DDX50: variants seen among roughly 807,000 people sequenced by gnomAD.
The protein encoded by DDX50 is DExD-box helicase 50.
A neutral mutation model predicts 94.8 loss-of-function variants in DDX50; 56 were observed. The observed-to-expected ratio is 0.59, with a 90% CI of 0.48 to 0.74. The LOEUF (loss-of-function observed/expected upper bound fraction) is 0.74, where lower values mean the gene tolerates loss of function less well. Among genes scored for constraint, DDX50 ranks in the 30% least tolerant of loss-of-function variants. The probability of loss-of-function intolerance (pLI) is 0.00; values close to 1 mark genes in which losing one functional copy is unlikely to be tolerated. For synonymous variants in DDX50, 264 were observed against 295.4 expected, an observed-to-expected ratio of 0.89 and a Z score of 1.09; for missense variants, 713 against 881.2, an observed-to-expected ratio of 0.81 and a Z score of 2.42.
At position 68,901,542 on chromosome 10, in the gene DDX50, C is replaced by T. The variant is rs1589244536; in HGVS notation, c.87+71C>T. On this transcript the variant is annotated intron_variant, in intron 1 of 14. Coordinates refer to ENST00000373585, the MANE Select transcript of DDX50 (RefSeq NM_024045.2). ...GGGCGGGGAGGGGAACTGTCTGTCC[C>T]TGATGATGGCCTGTCAGAACCGGGC... The T allele has an allele frequency of 2.7e-6, 4 of 1,464,990 alleles. No homozygotes were observed. The Admixed American group carries it at 6.5e-5, about 24-fold the overall frequency. 90.7% of individuals were successfully genotyped at this position (1,464,990 alleles called of 1,614,324 possible). A position where few individuals can be genotyped will look rare whatever the true frequency, so the allele number is the denominator to read the frequency against.
chr10:68,935,257 TAGAC>T (rs545933333), intron 10 of DDX50, among the ~76,000 whole-genome samples: 7 of 152,360 alleles, frequency 4.6e-5, no homozygotes, highest in Admixed American at 3.3e-4. Flanking sequence ...TATGGTACAA[TAGAC>T]AGTTTCTAAA....
At chr10:68,904,541 A>G (rs1015214821) in intron 1 of DDX50, among the ~76,000 whole-genome samples, 1 of 152,200 alleles carries the variant, frequency 6.6e-6, no homozygotes, top group South Asian at 2.1e-4. Flanking sequence ...ATTGAAGAAG[A>G]TATGTGGTAG....
chr10:68,925,765 G>A (rs1383805374), intron 8 of DDX50, among the ~76,000 whole-genome samples: 4 of 152,098 alleles, frequency 2.6e-5, no homozygotes, highest in Non-Finnish European at 5.9e-5. Context: ...TGTAATCCTA[G>A]CATTTTGGGA....
chr10:68,901,349 G>T lies in DDX50; in HGVS notation c.-36G>T, dbSNP rs777727910. The T allele has an allele frequency of 1.3e-6, 2 of 1,515,996 alleles. No individual in the cohort carries two copies. The highest frequency in any genetic ancestry group is 1.8e-6 in the Non-Finnish European group (2 of 1,128,130). The allele number at this position is 1,515,996 out of a possible 1,614,324, so 93.9% of individuals were successfully genotyped here. A position where few individuals can be genotyped will look rare whatever the true frequency, so the allele number is the denominator to read the frequency against. On this transcript the variant is annotated 5_prime_UTR_variant, in exon 1 of 15. Transcript: ENST00000373585. ...CTGTCGCTGCCCGTAGGTGGTTGTG[G>T]CCACTGTGCCCGGAGGGAGGCGGCG... is the stretch of plus-strand genomic sequence containing the variant.
intron 14 of DDX50, among the ~76,000 whole-genome samples, chr10:68,945,309 AT>A (rs11365482): frequency 0.43 from 64,108 of 148,134 alleles, 13,857 homozygotes; most frequent in Non-Finnish European, 0.49. Flanking sequence ...TAATAACAAC[AT>A]TTTTTTTTTT....
chr10:68,922,382 C>T (rs141744755), intron 8 of DDX50, among the ~76,000 whole-genome samples: 80 of 152,216 alleles, frequency 5.3e-4, no homozygotes, highest in African/African-American at 1.9e-3. Context: ...TTTACTCTTT[C>T]TAGTATAGTC....
chr10:68,946,062 TTATTTAGAATGTA>T (rs535974658), intron 14 of DDX50, among the ~76,000 whole-genome samples: 33 of 152,102 alleles, frequency 2.2e-4, no homozygotes, highest in East Asian at 1.9e-3. Flanking sequence ...ATGTTAGAAT[TTATTTAGAATGTA>T]TATTTAGAAT....
chr10:68,902,913 C>G (rs182089270), intron 1 of DDX50, among the ~76,000 whole-genome samples: 385 of 152,204 alleles, frequency 2.5e-3, no homozygotes, highest in Admixed American at 3.7e-3. Flanking sequence ...TGTATGTATC[C>G]CACATATTTC....
rs1842670550 is a variant in DDX50, at chr10:68,946,354, A to G, written c.1938A>G (p.Ala646=). Reference sequence around the variant, plus strand: ...AATCCTGTAAATTCCCCTAACAGGCAGAGTGGCATGATTCCGACTGGATAC... The same window carrying G: ...AATCCTGTAAATTCCCCTAACAGGCGGAGTGGCATGATTCCGACTGGATAC... ...VPTTESERLQ[A]EWHDSDWILS... is the part of the protein sequence containing the mutation. The change falls in exon 15 of 15, where the codon GCA becomes GCG. Residue 646 remains alanine (A), a splice_region_variant and synonymous_variant. Coordinates refer to ENST00000373585, the MANE Select transcript of DDX50 (RefSeq NM_024045.2). 1 of 1,606,094 alleles carries G rather than the reference A, an allele frequency of 6.2e-7. No individual in the cohort carries two copies. Among genetic ancestry groups the G allele is most frequent in the Admixed American group, 1.7e-5 (1 of 59,284 alleles).
Position 68,906,746 on chromosome 10 carries a change from G to C in DDX50, c.123G>C (p.Ser41=), listed in dbSNP as rs377688675. ...GGAAGTCAAGGCACCATTATGACTC[G>C]GATGAGAAATCAGAAACAAGAGAAA... ...DRRKSRHHYD[S]DEKSETRENG... The change falls in exon 2 of 15, where the codon TCG becomes TCC. Residue 41 remains serine (S), a synonymous_variant. Transcript: ENST00000373585. 6.2e-7 allele frequency: 1 copy of C among 1,611,850 alleles called. No homozygotes were observed. The highest frequency in any genetic ancestry group is 8.5e-7 in the Non-Finnish European group (1 of 1,179,598).
At chr10:68,930,338 A>C (rs1842228529) in intron 8 of DDX50, among the ~76,000 whole-genome samples, 1 of 151,072 alleles carries the variant, frequency 6.6e-6, no homozygotes. Context: ...GTCTGGTCTC[A>C]AACTCCTGAC....
chr10:68,910,250 A>G, intron 2 of DDX50, 57 bp from the exon 3 acceptor site: 3 of 1,392,632 alleles, frequency 2.2e-6, no homozygotes, highest in Non-Finnish European at 3.0e-6. Flanking sequence ...AATTAAAAAC[A>G]GTAAATGAGG....
intron 1 of DDX50, among the ~76,000 whole-genome samples, chr10:68,904,926 G>C (rs1377802547): frequency 5.9e-5 from 9 of 152,178 alleles, no homozygotes; most frequent in Non-Finnish European, 1.0e-4. Flanking sequence ...AATTATATGT[G>C]AAATAACTCT....
At chr10:68,930,706 G>A (rs1426786181) in intron 8 of DDX50, among the ~76,000 whole-genome samples, 1 of 152,128 alleles carries the variant, frequency 6.6e-6, no homozygotes, top group Non-Finnish European at 1.5e-5. Flanking sequence ...CCCCAGCCTG[G>A]AGTACAGTGG....
chr10:68,936,909 A>C, intron 11 of DDX50, 27 bp from the exon 12 acceptor site: 1 of 1,549,774 alleles, frequency 6.5e-7, no homozygotes, highest in Non-Finnish European at 8.7e-7. Context: ...CTATGTCTTG[A>C]CCAAGAATAC....
chr10:68,933,929 C>CT (rs1277483613), intron 8 of DDX50, among the ~76,000 whole-genome samples: 2 of 149,114 alleles, frequency 1.3e-5, no homozygotes, highest in East Asian at 2.0e-4. Context: ...GAGCAAAACT[C>CT]TGTCTAAAAA....
At chr10:68,930,544 C>T (rs1158090625) in intron 8 of DDX50, among the ~76,000 whole-genome samples, 1 of 113,934 alleles carries the variant, frequency 8.8e-6, no homozygotes, top group Non-Finnish European at 1.8e-5. Flanking sequence ...ACTAATAGTT[C>T]TTGAATTCAG....
chr10:68,920,591 A>G (rs1012264526), intron 8 of DDX50, among the ~76,000 whole-genome samples: 2 of 152,192 alleles, frequency 1.3e-5, no homozygotes, highest in African/African-American at 2.4e-5. Flanking sequence ...TTACAAAACT[A>G]CAAATTTTTA....
intron 8 of DDX50, among the ~76,000 whole-genome samples, chr10:68,922,650 A>C (rs1841970857): frequency 6.6e-6 from 1 of 152,022 alleles, no homozygotes; most frequent in Non-Finnish European, 1.5e-5. Context: ...AAAATTAGCC[A>C]GAGGTGGTGG....
Sources: allele counts gnomAD v4.1 joint callset (sites outside exome capture counted in the v4.1 genomes callset), GRCh38; gene constraint gnomAD v4.1.1; transcripts MANE v1.5; gene names NCBI Gene and HGNC (gene_info 2026-07-23, HGNC 2026-07-21).